WSCD2: variants seen among roughly 807,000 people sequenced by gnomAD.
WSCD2 encodes WSC domain sialate O sulfotransferase 2, also known as sialate:O-sulfotransferase 2.
A neutral mutation model predicts 55.7 loss-of-function variants in WSCD2; 28 were observed. The ratio of observed to expected loss-of-function variants is 0.50; its 90% CI spans 0.37 to 0.69. The LOEUF (loss-of-function observed/expected upper bound fraction) is 0.69. WSCD2 is among the 30% of genes least tolerant of loss of function. The pLI, the probability that WSCD2 is intolerant of heterozygous loss-of-function variation, is 0.00. For missense variants in WSCD2, 616 were observed against 762.1 expected, an observed-to-expected ratio of 0.81 and a Z score of 2.26; for synonymous variants, 301 against 301.9, an observed-to-expected ratio of 1.00 and a Z score of 0.03.
intron 1 of WSCD2, among the ~76,000 whole-genome samples, chr12:108,182,737 A>G (rs975540982): frequency 1.3e-5 from 2 of 152,200 alleles, no homozygotes; most frequent in East Asian, 1.9e-4. Flanking sequence ...ACCTGTGGAG[A>G]TATTTCACCT....
intron 1 of WSCD2, among the ~76,000 whole-genome samples, chr12:108,155,433 C>T (rs982457503): frequency 2.0e-5 from 3 of 152,030 alleles, no homozygotes; most frequent in Non-Finnish European, 4.4e-5. Flanking sequence ...AATAAGGACA[C>T]GTTATATTTT....
chr12:108,220,889 A>G (rs1052164005), intron 4 of WSCD2, among the ~76,000 whole-genome samples: 1 of 152,146 alleles, frequency 6.6e-6, no homozygotes, highest in Non-Finnish European at 1.5e-5. Context: ...TATTATTGGA[A>G]GAAGCACAGG....
chr12:108,179,417 C>A (rs1881366252), intron 1 of WSCD2, among the ~76,000 whole-genome samples: 1 of 152,198 alleles, frequency 6.6e-6, no homozygotes, highest in Non-Finnish European at 1.5e-5. Context: ...AAGGCCAAAC[C>A]AGATTCCATA....
intron 8 of WSCD2, among the ~76,000 whole-genome samples, chr12:108,247,457 A>G (rs184354551): frequency 6.6e-6 from 1 of 152,228 alleles, no homozygotes; most frequent in Non-Finnish European, 1.5e-5. Context: ...CCCCAAAGAG[A>G]AGGTGGTGGT....
intron 4 of WSCD2, among the ~76,000 whole-genome samples, chr12:108,223,844 C>A (rs1029771426): frequency 3.9e-5 from 6 of 152,176 alleles, no homozygotes; most frequent in Non-Finnish European, 5.9e-5. Context: ...AGCCCCCTTT[C>A]CTTAAGGTGG....
chr12:108,176,493 A>G (rs896475656), intron 1 of WSCD2, among the ~76,000 whole-genome samples: 3 of 152,218 alleles, frequency 2.0e-5, no homozygotes, highest in Non-Finnish European at 4.4e-5. Flanking sequence ...TGTCATCAGT[A>G]GCTGATTCCT....
intron 1 of WSCD2, among the ~76,000 whole-genome samples, chr12:108,141,395 C>T (rs1354114822): frequency 6.6e-6 from 1 of 152,156 alleles, no homozygotes; most frequent in Non-Finnish European, 1.5e-5. Context: ...ACCACCATCC[C>T]CGGTTCTAAA....
chr12:108,173,810 C>CTGTGTGCGTGTGTG (rs1555226117), intron 1 of WSCD2, among the ~76,000 whole-genome samples: 2 of 131,144 alleles, frequency 1.5e-5, no homozygotes, highest in African/African-American at 6.1e-5. Context: ...TCCTGGCTCT[C>CTGTGTGCGTGTGTG]TGTGTGTGTG....
chr12:108,144,308 G>A (rs1877166696), intron 1 of WSCD2, among the ~76,000 whole-genome samples: 1 of 152,110 alleles, frequency 6.6e-6, no homozygotes, highest in Non-Finnish European at 1.5e-5. Context: ...CCTTTTTCAT[G>A]GCCATGGGAG....
intron 1 of WSCD2, among the ~76,000 whole-genome samples, chr12:108,193,388 A>G (rs560914496): frequency 3.7e-4 from 56 of 152,380 alleles, no homozygotes; most frequent in Non-Finnish European, 6.3e-4. Context: ...AAACACACAC[A>G]TAGTAGGCAA....
In WSCD2 at chr12:108,219,510, CCAAA is replaced by C. The variant is rs374583481; in HGVS notation, c.683-5225_683-5222del. 2.6e-3 allele frequency among the ~76,000 whole-genome samples: 399 copies of C among 152,272 alleles called. 2 individuals are homozygous for C. Among genetic ancestry groups the C allele is most frequent in the African/African-American group, 8.0e-3 (331 of 41,560 alleles). On this transcript the variant is annotated intron_variant, in intron 4 of 8. Coordinates refer to ENST00000547525, the MANE Select transcript of WSCD2 (RefSeq NM_014653.4). The stretch of plus-strand genomic sequence containing the variant: ...CACATTCAGTGTCATGTCCCACTGC[CCAAA>C]CAATCTCAGTGCAGCCAGACCCACA...
intron 8 of WSCD2, among the ~76,000 whole-genome samples, chr12:108,242,771 C>T (rs1003588234): frequency 6.6e-6 from 1 of 152,242 alleles, no homozygotes; most frequent in African/African-American, 2.4e-5. Flanking sequence ...TGCTCTCCCT[C>T]CCCAACACCG....
intron 7 of WSCD2, among the ~76,000 whole-genome samples, chr12:108,233,781 T>A (rs753462628): frequency 6.6e-6 from 1 of 152,220 alleles, no homozygotes; most frequent in Non-Finnish European, 1.5e-5. Context: ...AAATCATGGA[T>A]GAAATGCCCC....
intron 1 of WSCD2, among the ~76,000 whole-genome samples, chr12:108,164,160 T>TTTTTTTTTTTTTTTTTTTTA (rs1412057706): frequency 1.4e-5 from 2 of 146,078 alleles, no homozygotes; most frequent in Non-Finnish European, 3.0e-5. Context: ...TTTTTTTTTT[T>TTTTTTTTTTTTTTTTTTTTA]TTCAGAGAGG....
chr12:108,191,086 A>C (rs1324937634), intron 1 of WSCD2, among the ~76,000 whole-genome samples: 1 of 152,182 alleles, frequency 6.6e-6, no homozygotes, highest in East Asian at 1.9e-4. Context: ...GAACAAATAG[A>C]GACAGAGAGA....
At chr12:108,177,646 CG>C (rs1881071609) in intron 1 of WSCD2, among the ~76,000 whole-genome samples, 1 of 152,106 alleles carries the variant, frequency 6.6e-6, no homozygotes, top group Non-Finnish European at 1.5e-5. Flanking sequence ...AACAGCTGGG[CG>C]TGGTGGCTCA....
intron 8 of WSCD2, 23 bp downstream of exon 8, chr12:108,240,567 A>T: frequency 6.6e-4 from 119 of 181,310 alleles, no homozygotes; most frequent in Non-Finnish European, 1.0e-3. Flanking sequence ...AGAGGAGGGG[A>T]GGGGAGGGGA....
At chr12:108,172,883 C>A (rs991455709) in intron 1 of WSCD2, among the ~76,000 whole-genome samples, 1 of 152,100 alleles carries the variant, frequency 6.6e-6, no homozygotes, top group African/African-American at 2.4e-5. Flanking sequence ...TTGTGTCCCC[C>A]CAGATTCACA....
intron 1 of WSCD2, among the ~76,000 whole-genome samples, chr12:108,192,438 C>T (rs944779469): frequency 1.3e-5 from 2 of 152,164 alleles, no homozygotes; most frequent in Non-Finnish European, 2.9e-5. Flanking sequence ...TCTGGAAGGG[C>T]TGGTGTCCCC....
Sources: gnomAD v4.1 joint callset for allele counts (sites outside exome capture counted in the v4.1 genomes callset) on GRCh38, gnomAD v4.1.1 for gene constraint, MANE v1.5 for transcripts, NCBI Gene and HGNC (gene_info 2026-07-23, HGNC 2026-07-21) for gene names.